RGS7: variants seen among roughly 807,000 people sequenced by gnomAD.
The protein encoded by RGS7 is regulator of G-protein signaling 7.
In RGS7, 27 loss-of-function variants were observed where a neutral mutation model predicts 81.1. That is an observed-to-expected ratio of 0.33 (90% CI 0.25 to 0.46). The LOEUF is 0.46. RGS7 is among the 20% of genes least tolerant of loss of function. RGS7 has a pLI of 1.00. For missense variants in RGS7, 396 were observed against 607.4 expected (o/e 0.65, Z 3.66); for synonymous variants, 208 against 207.7 (o/e 1.00, Z -0.01).
intron 2 of RGS7, among the ~76,000 whole-genome samples, chr1:241,185,815 T>TATTGTGGTATG (rs1482664896): frequency 6.6e-6 from 1 of 152,132 alleles, no homozygotes; most frequent in African/African-American, 2.4e-5. Context: ...ACATATTAAG[T>TATTGTGGTATG]ATTGTGGTAT....
chr1:241,121,315 T>C (rs1459783371), intron 2 of RGS7, among the ~76,000 whole-genome samples: 1 of 152,226 alleles, frequency 6.6e-6, no homozygotes, highest in African/African-American at 2.4e-5. Flanking sequence ...CTGCAGAACC[T>C]TGTTTTGCAG....
intron 3 of RGS7, among the ~76,000 whole-genome samples, chr1:241,074,852 A>G (rs1053160270): frequency 1.3e-5 from 2 of 152,198 alleles, no homozygotes; most frequent in East Asian, 3.8e-4. Context: ...TTAGTGTAAG[A>G]TAATACTGGC....
intron 2 of RGS7, among the ~76,000 whole-genome samples, chr1:241,177,058 AT>A (rs2071205081): frequency 6.6e-6 from 1 of 152,204 alleles, no homozygotes; most frequent in Non-Finnish European, 1.5e-5. Context: ...ATTGACTTGG[AT>A]GAGAACCATG....
chr1:241,259,082 T>G (rs1027090360), intron 2 of RGS7, among the ~76,000 whole-genome samples: 1 of 152,134 alleles, frequency 6.6e-6, no homozygotes, highest in African/African-American at 2.4e-5. Context: ...ACTTCTTCGC[T>G]CACTCCCCAT....
At chr1:240,784,603 T>G (rs961234473) in intron 18 of RGS7, among the ~76,000 whole-genome samples, 4 of 149,932 alleles carry the variant, frequency 2.7e-5, no homozygotes, top group Admixed American at 2.7e-4. Context: ...CCAAGATTGC[T>G]CCACTGCGCT....
intron 2 of RGS7, among the ~76,000 whole-genome samples, chr1:241,345,424 CAT>C (rs899975827): frequency 6.6e-6 from 1 of 152,062 alleles, no homozygotes; most frequent in Non-Finnish European, 1.5e-5. Context: ...TGAACTACGA[CAT>C]GATACTGTAT....
At chr1:240,887,290 G>A (rs1046008069) in intron 6 of RGS7, among the ~76,000 whole-genome samples, 3 of 146,644 alleles carry the variant, frequency 2.0e-5, no homozygotes, top group Non-Finnish European at 3.0e-5. Context: ...GTGCAGTGGC[G>A]CGATCTTGGC....
Position 241,108,638 on chromosome 1 carries a change from G to C in RGS7, c.79-9876C>G, listed in dbSNP as rs1430075930. Among the ~76,000 whole-genome samples the C allele has an allele frequency of 2.0e-5, 3 of 152,140 alleles. No homozygotes were observed. The East Asian group carries it at 5.8e-4, about 29-fold the overall frequency. On this transcript the variant is annotated intron_variant, in intron 2 of 18. Coordinates refer to ENST00000440928, the MANE Select transcript of RGS7 (RefSeq NM_001364886.1). Reference sequence around the variant, plus strand: ...TATTGCAGTCAAAGTTCAAATAGGAGAGTTGTCAATGTCCCCTGAACTATT... The same window carrying C: ...TATTGCAGTCAAAGTTCAAATAGGACAGTTGTCAATGTCCCCTGAACTATT...
At chr1:240,832,577 C>G (rs1694025819) in intron 9 of RGS7, among the ~76,000 whole-genome samples, 1 of 152,128 alleles carries the variant, frequency 6.6e-6, no homozygotes. Context: ...CATCTAAATG[C>G]CATTTAGTTC....
intron 2 of RGS7, among the ~76,000 whole-genome samples, chr1:241,221,031 AAGGAAGGAAAAG>A (rs1439365475): frequency 4.5e-5 from 5 of 111,062 alleles, no homozygotes; most frequent in East Asian, 4.7e-4. Context: ...GGAAGGAAGG[AAGGAAGGAAAAG>A]AAAGAAAGAA....
intron 2 of RGS7, among the ~76,000 whole-genome samples, chr1:241,227,540 C>T (rs12562627): frequency 0.12 from 16,060 of 139,288 alleles, 987 homozygotes; most frequent in Non-Finnish European, 0.14. Flanking sequence ...CAAAGCCAGC[C>T]TGGGACACAC....
chr1:241,120,177 G>C (rs921483354), intron 2 of RGS7, among the ~76,000 whole-genome samples: 3 of 152,114 alleles, frequency 2.0e-5, no homozygotes, highest in Admixed American at 6.5e-5. Flanking sequence ...TTTCCCAGGT[G>C]AGCCATCCTC....
intron 6 of RGS7, among the ~76,000 whole-genome samples, chr1:240,909,270 T>G (rs1009268585): frequency 1.3e-5 from 2 of 152,224 alleles, no homozygotes; most frequent in Admixed American, 6.5e-5. Context: ...GAAGCATATT[T>G]GCATCAATGA....
intron 6 of RGS7, among the ~76,000 whole-genome samples, chr1:240,922,460 G>A (rs1324507418): frequency 1.3e-5 from 2 of 152,022 alleles, no homozygotes; most frequent in Non-Finnish European, 2.9e-5. Flanking sequence ...GAAAATCTTT[G>A]CAAAACGTAT....
intron 3 of RGS7, among the ~76,000 whole-genome samples, chr1:241,005,445 C>T (rs546055761): frequency 6.6e-6 from 1 of 152,232 alleles, no homozygotes; most frequent in South Asian, 2.1e-4. Flanking sequence ...CAAAAAAAAA[C>T]TAGGATTCTC....
At chr1:241,354,312 A>C (rs2083426884) in intron 2 of RGS7, among the ~76,000 whole-genome samples, 1 of 152,210 alleles carries the variant, frequency 6.6e-6, no homozygotes, top group Admixed American at 6.5e-5. Context: ...TTAAAAATAC[A>C]ATACTAATAA....
intron 3 of RGS7, among the ~76,000 whole-genome samples, chr1:241,031,591 C>T (rs766597295): frequency 5.3e-5 from 8 of 152,146 alleles, no homozygotes; most frequent in Non-Finnish European, 1.0e-4. Flanking sequence ...CATTTCCACC[C>T]ACATTGTATA....
intron 2 of RGS7, among the ~76,000 whole-genome samples, chr1:241,290,476 A>C (rs2079031721): frequency 6.6e-6 from 1 of 152,224 alleles, no homozygotes. Context: ...CAGAGTACAA[A>C]ATAAAAATCA....
chr1:241,144,630 G>A lies in RGS7; in HGVS notation c.79-45868C>T, dbSNP rs138900092. 2.0e-5 allele frequency among the ~76,000 whole-genome samples: 3 copies of A among 152,250 alleles called. No individual in the cohort carries two copies. Among genetic ancestry groups the A allele is most frequent in the Admixed American group, 6.5e-5 (1 of 15,292 alleles). ...GGATGTGCTGTCCTGGGCCTGCTTC[G>A]ATAAGTGCTGTTTATGTGGCTGTAT... On this transcript the variant is annotated intron_variant, in intron 2 of 18. Coordinates refer to ENST00000440928, the MANE Select transcript of RGS7 (RefSeq NM_001364886.1). This position sits in a 1 kb window ranked among gnomAD's most constrained non-coding sequence, Gnocchi z 4.7.
Sources: allele counts gnomAD v4.1 joint callset (sites outside exome capture counted in the v4.1 genomes callset), GRCh38; gene constraint gnomAD v4.1.1; non-coding constraint Gnocchi (gnomAD v3.1); transcripts MANE v1.5; gene names NCBI Gene and HGNC (gene_info 2026-07-23, HGNC 2026-07-21).